Variants in PCDH15 observed in about 807,000 individuals in gnomAD.
PCDH15 encodes protocadherin-15.
A neutral mutation model predicts 178.5 loss-of-function variants in PCDH15; 129 were observed. That is an observed-to-expected ratio of 0.72 (90% CI 0.63 to 0.84). PCDH15 has a LOEUF of 0.84. Among genes scored for constraint, PCDH15 ranks in the 40% least tolerant of loss-of-function variants. PCDH15 has a pLI of 0.00. For synonymous variants in PCDH15, 800 were observed against 732.0 expected, an observed-to-expected ratio of 1.09 and a Z score of -1.50; for missense variants, 2,230 against 2,099.9, an observed-to-expected ratio of 1.06 and a Z score of -1.21.
At position 54,518,424 on chromosome 10, in the gene PCDH15, T is replaced by G. The variant is rs1261497178; in HGVS notation, c.157+9388A>C. Among the ~76,000 whole-genome samples the G allele has an allele frequency of 5.9e-5, 9 of 152,246 alleles. No homozygotes were observed. The East Asian group carries it at 1.4e-3, about 23-fold the overall frequency. On this transcript the variant is annotated intron_variant, in intron 3 of 37. Transcript: ENST00000644397. ...AATACAAACTACCATCAGAGAATACTACAAACACCTCTACGCAAATAAACT... is the reference window on the plus strand; with the variant it reads ...AATACAAACTACCATCAGAGAATACGACAAACACCTCTACGCAAATAAACT...
At chr10:53,930,133 G>A (rs1275118016) in intron 25 of PCDH15, among the ~76,000 whole-genome samples, 2 of 152,076 alleles carry the variant, frequency 1.3e-5, no homozygotes, top group Non-Finnish European at 2.9e-5. Flanking sequence ...AAGAAAAGAT[G>A]ACTCATAATT....
At chr10:53,892,025 T>TTG (rs1210815222) in intron 26 of PCDH15, among the ~76,000 whole-genome samples, 1 of 142,722 alleles carries the variant, frequency 7.0e-6, no homozygotes, top group African/African-American at 2.8e-5. Flanking sequence ...TCTATGTTTT[T>TTG]TTTTTTTTTT....
At chr10:54,733,782 T>C (rs1309145399) in intron 1 of PCDH15, among the ~76,000 whole-genome samples, 3 of 151,584 alleles carry the variant, frequency 2.0e-5, no homozygotes, top group African/African-American at 7.2e-5. Flanking sequence ...AAATAGAATA[T>C]AAATAGAACC....
intron 2 of PCDH15, among the ~76,000 whole-genome samples, chr10:55,081,321 C>G (rs572815811): frequency 6.6e-6 from 1 of 152,096 alleles, no homozygotes; most frequent in African/African-American, 2.4e-5. Flanking sequence ...CCCTAGTCAG[C>G]CAGCTTGAAA....
At chr10:54,799,235 A>T (rs1290036723) in intron 1 of PCDH15, among the ~76,000 whole-genome samples, 2 of 152,050 alleles carry the variant, frequency 1.3e-5, no homozygotes, top group Admixed American at 6.6e-5. Flanking sequence ...GCATAAAAAC[A>T]ATTTATGTCT....
intron 8 of PCDH15, among the ~76,000 whole-genome samples, chr10:54,251,374 C>T (rs937372284): frequency 6.6e-5 from 10 of 152,008 alleles, no homozygotes; most frequent in African/African-American, 2.4e-4. Flanking sequence ...TTTTGTTTTT[C>T]CTTACAGTAT....
chr10:54,163,312 A>C (rs2133471767), intron 13 of PCDH15, among the ~76,000 whole-genome samples: 1 of 152,226 alleles, frequency 6.6e-6, no homozygotes, highest in African/African-American at 2.4e-5. Flanking sequence ...ACAGTTCCAC[A>C]GGCTTAACAG....
In PCDH15 at chr10:53,861,444, T is replaced by A. The variant is rs76870420; in HGVS notation, c.3718-4181A>T. On this transcript the variant is annotated intron_variant, in intron 27 of 37. Coordinates refer to ENST00000644397, the MANE Select transcript of PCDH15 (RefSeq NM_001384140.1). The stretch of plus-strand genomic sequence containing the variant: ...AAAAAGCAATGGTTGGAAATTTACA[T>A]GTTACTATTTCTATGTCCTTTCCAT... Among the ~76,000 whole-genome samples the A allele has an allele frequency of 1.8e-4, 28 of 152,282 alleles. No homozygotes were observed. The East Asian group carries it at 5.2e-3, about 28-fold the overall frequency.
chr10:54,995,666 C>T (rs559246583), intron 2 of PCDH15, among the ~76,000 whole-genome samples: 3 of 151,486 alleles, frequency 2.0e-5, no homozygotes, highest in African/African-American at 7.3e-5. Flanking sequence ...ACACTCTAGT[C>T]TCAAACTTAA....
At chr10:55,470,861 T>A (rs1470344083) in intron 2 of PCDH15, among the ~76,000 whole-genome samples, 2 of 152,150 alleles carry the variant, frequency 1.3e-5, no homozygotes, top group Admixed American at 6.5e-5. Context: ...TTTTTACTAT[T>A]TCCATAGATT....
chr10:55,119,484 C>T (rs1837711301), intron 2 of PCDH15, among the ~76,000 whole-genome samples: 1 of 141,094 alleles, frequency 7.1e-6, no homozygotes, highest in African/African-American at 3.0e-5. Flanking sequence ...GAAGTTAGTC[C>T]TTATCATTCA....
chr10:54,844,549 T>C (rs1330560195), intron 3 of PCDH15, among the ~76,000 whole-genome samples: 1 of 151,988 alleles, frequency 6.6e-6, no homozygotes, highest in Non-Finnish European at 1.5e-5. Context: ...CCCTCACTCC[T>C]GCTTTGGTGG....
chr10:54,627,023 C>A (rs2093573254), intron 2 of PCDH15, among the ~76,000 whole-genome samples: 1 of 152,212 alleles, frequency 6.6e-6, no homozygotes, highest in Admixed American at 6.5e-5. Context: ...TTCCAACTTA[C>A]ATGGGGCCTG....
chr10:55,510,865 T>TAC (rs1229814399), intron 2 of PCDH15, among the ~76,000 whole-genome samples: 2 of 149,664 alleles, frequency 1.3e-5, no homozygotes, highest in East Asian at 2.0e-4. Context: ...TATATATACA[T>TAC]ACACACACAC....
At chr10:54,512,903 G>T (rs2081849609) in intron 3 of PCDH15, among the ~76,000 whole-genome samples, 1 of 151,868 alleles carries the variant, frequency 6.6e-6, no homozygotes, top group African/African-American at 2.4e-5. Flanking sequence ...ACCATCAAAA[G>T]TTAAAAACTA....
intron 25 of PCDH15, among the ~76,000 whole-genome samples, chr10:53,912,230 T>C (rs755457183): frequency 3.9e-5 from 6 of 152,122 alleles, no homozygotes; most frequent in Non-Finnish European, 8.8e-5. Context: ...GAAAAGGCCT[T>C]TGACAAAATT....
intron 9 of PCDH15, among the ~76,000 whole-genome samples, chr10:54,229,125 C>A (rs1489008260): frequency 1.3e-5 from 2 of 152,150 alleles, no homozygotes; most frequent in East Asian, 1.9e-4. Flanking sequence ...GAAGTGAACA[C>A]CAACAGAGAT....
At chr10:54,916,004 T>A (rs540946684) in intron 2 of PCDH15, among the ~76,000 whole-genome samples, 1 of 152,204 alleles carries the variant, frequency 6.6e-6, no homozygotes, top group African/African-American at 2.4e-5. Context: ...AATTTTTGTA[T>A]TTTTAGTAGG....
intron 27 of PCDH15, among the ~76,000 whole-genome samples, chr10:53,860,661 G>C (rs2079044674): frequency 6.7e-6 from 1 of 150,110 alleles, no homozygotes; most frequent in Admixed American, 6.7e-5. Context: ...AACCTGGGAG[G>C]CAGAGGTTGC....
Sources: gnomAD v4.1 joint callset for allele counts (sites outside exome capture counted in the v4.1 genomes callset) on GRCh38, gnomAD v4.1.1 for gene constraint, MANE v1.5 for transcripts, NCBI Gene and HGNC (gene_info 2026-07-23, HGNC 2026-07-21) for gene names.